Variants in SMIM13 observed in about 807,000 individuals in gnomAD.
SMIM13 encodes small integral membrane protein 13, also known as UPF0766 protein C6orf228.
SMIM13 carries 3 observed loss-of-function variants against 5.9 expected under a neutral mutation model. The observed-to-expected ratio is 0.51, with a 90% CI of 0.23 to 1.31. The LOEUF (loss-of-function observed/expected upper bound fraction) is 1.31. Among genes scored for constraint, SMIM13 ranks in the 40% most tolerant of loss-of-function variants. SMIM13 has a pLI of 0.18. For missense variants in SMIM13, 85 were observed against 109.9 expected (o/e 0.77, Z 1.01); for synonymous variants, 55 against 46.0 (o/e 1.19, Z -0.79).
At chr6:11,096,368 A>G (rs544660461) in intron 1 of SMIM13, among the ~76,000 whole-genome samples, 22 of 152,336 alleles carry the variant, frequency 1.4e-4, no homozygotes, top group African/African-American at 5.0e-4. Context: ...TCAGATGGTA[A>G]TACTTGCCTC....
intron 1 of SMIM13, chr6:11,104,492 T>C: frequency 1.3e-6 from 2 of 1,555,012 alleles, no homozygotes; most frequent in Non-Finnish European, 8.7e-7. Context: ...CAAAAAATTC[T>C]GAGACTGCTG....
chr6:11,109,411 G>A (rs1315405849), intron 1 of SMIM13, among the ~76,000 whole-genome samples: 3 of 152,138 alleles, frequency 2.0e-5, no homozygotes, highest in South Asian at 2.1e-4. Flanking sequence ...CCCTGGGTAG[G>A]GAGGAGAAGG....
chr6:11,132,278 G>A (rs1033928553), intron 1 of SMIM13, among the ~76,000 whole-genome samples: 2 of 152,136 alleles, frequency 1.3e-5, no homozygotes, highest in Non-Finnish European at 2.9e-5. Context: ...AAAAAGTGTT[G>A]GCGAGGATGT....
At chr6:11,111,213 A>G (rs1758161511) in intron 1 of SMIM13, among the ~76,000 whole-genome samples, 1 of 152,184 alleles carries the variant, frequency 6.6e-6, no homozygotes, top group Non-Finnish European at 1.5e-5. Flanking sequence ...TAAGGCAGAG[A>G]AGAAAGTTGC....
chr6:11,127,985 A>T (rs970530061), intron 1 of SMIM13, among the ~76,000 whole-genome samples: 2 of 152,212 alleles, frequency 1.3e-5, no homozygotes, highest in Admixed American at 1.3e-4. Context: ...AATTGGGGAC[A>T]TCAGGAGGCT....
intron 1 of SMIM13, among the ~76,000 whole-genome samples, chr6:11,101,037 T>C (rs889041853): frequency 3.6e-4 from 55 of 151,536 alleles, no homozygotes; most frequent in African/African-American, 1.3e-3. Context: ...ATTTTCTTTT[T>C]TTTTTTTTTT....
intron 1 of SMIM13, among the ~76,000 whole-genome samples, chr6:11,109,720 A>C (rs1758140584): frequency 6.6e-6 from 1 of 152,148 alleles, no homozygotes; most frequent in Admixed American, 6.5e-5. Context: ...TATTCAACCC[A>C]GGCTGTATTA....
chr6:11,125,716 T>G (rs1309784334), intron 1 of SMIM13, among the ~76,000 whole-genome samples: 1 of 152,196 alleles, frequency 6.6e-6, no homozygotes, highest in Admixed American at 6.5e-5. Context: ...AGCTTTTGAG[T>G]ATCTTACTTG....
chr6:11,118,868 G>T (rs904209399), intron 1 of SMIM13, among the ~76,000 whole-genome samples: 6 of 152,184 alleles, frequency 3.9e-5, no homozygotes, highest in African/African-American at 1.4e-4. Context: ...TTGAGAATGG[G>T]TACTGTTATT....
At chr6:11,094,614 C>T (rs1243275349) in intron 1 of SMIM13, among the ~76,000 whole-genome samples, 1 of 152,218 alleles carries the variant, frequency 6.6e-6, no homozygotes, top group African/African-American at 2.4e-5. Flanking sequence ...GGCTCCAGGG[C>T]TTCCTGCCTC....
chr6:11,133,185 G>A (rs1019730733), intron 1 of SMIM13, among the ~76,000 whole-genome samples: 1 of 152,154 alleles, frequency 6.6e-6, no homozygotes, highest in African/African-American at 2.4e-5. Flanking sequence ...AAAGAGAGAA[G>A]ATGCTAATTT....
At chr6:11,096,825 G>A (rs929932206) in intron 1 of SMIM13, among the ~76,000 whole-genome samples, 1 of 152,044 alleles carries the variant, frequency 6.6e-6, no homozygotes, top group African/African-American at 2.4e-5. Flanking sequence ...TCAGCCTCCT[G>A]AGTAGCTGGG....
In SMIM13 at chr6:11,121,404, A is replaced by G. The variant is rs191248347; in HGVS notation, c.77-12999A>G. 1.4e-3 allele frequency among the ~76,000 whole-genome samples: 206 copies of G among 152,296 alleles called. 1 individual carries two copies. The highest frequency in any genetic ancestry group is 3.4e-3 in the Middle Eastern group (1 of 294). The stretch of plus-strand genomic sequence containing the variant: ...GTCCGCTGTAGGCATGCAGGGTGCA[A>G]TGGGTAAGTCTTTTTCAGAAGAAGG... On this transcript the variant is annotated intron_variant, in intron 1 of 1. Transcript: ENST00000416247.
At chr6:11,114,552 T>A (rs1486629423) in intron 1 of SMIM13, among the ~76,000 whole-genome samples, 3 of 150,354 alleles carry the variant, frequency 2.0e-5, no homozygotes, top group Non-Finnish European at 4.4e-5. Flanking sequence ...TTTTTTTTTT[T>A]AATGATTTTT....
Position 11,136,640 on chromosome 6 carries a change from G to A in SMIM13, c.*2038G>A, listed in dbSNP as rs1188490615. On this transcript the variant is annotated 3_prime_UTR_variant, in exon 2 of 2. Coordinates refer to ENST00000416247, the MANE Select transcript of SMIM13 (RefSeq NM_001135575.2). ...TCACAGAACATAACTTTAGTTTTAT[G>A]TGTTTGCTAGGGGAAGATTTCCTAG... The A allele has an allele frequency of 6.6e-6, 1 of 152,026 alleles. No individual in the cohort carries two copies. The highest frequency in any genetic ancestry group is 1.5e-5 in the Non-Finnish European group (1 of 67,994). The allele number at this position is 152,026 out of a possible 1,614,324, so 9.4% of individuals were successfully genotyped here. A position where few individuals can be genotyped will look rare whatever the true frequency, so the allele number is the denominator to read the frequency against.
intron 1 of SMIM13, among the ~76,000 whole-genome samples, chr6:11,114,346 G>T (rs973433326): frequency 1.3e-5 from 2 of 152,122 alleles, no homozygotes; most frequent in African/African-American, 4.8e-5. Flanking sequence ...GCCTTATAAT[G>T]TTGCAAGAAA....
rs1030988169 is a variant in SMIM13 at position 11,105,936 on chromosome 6, G to A, written c.76+11547G>A. On this transcript the variant is annotated intron_variant, in intron 1 of 1. Coordinates refer to ENST00000416247, the MANE Select transcript of SMIM13 (RefSeq NM_001135575.2). ...GGCTTAATTGCAAGGGAGCCTTAGG[G>A]GCAGCAAATCAGAAGGAGGGCTAAA... Among the ~76,000 whole-genome samples, 7 of 152,144 alleles carry A rather than the reference G, an allele frequency of 4.6e-5. No individual in the cohort carries two copies. The East Asian group carries it at 1.2e-3, about 25-fold the overall frequency.
At chr6:11,109,186 T>G (rs1393702058) in intron 1 of SMIM13, among the ~76,000 whole-genome samples, 1 of 152,264 alleles carries the variant, frequency 6.6e-6, no homozygotes, top group Admixed American at 6.5e-5. Context: ...TGCCCTAGTA[T>G]GACTGAGAGG....
At chr6:11,104,680 C>T in intron 1 of SMIM13, 3 of 1,614,222 alleles carry the variant, frequency 1.9e-6, no homozygotes, top group African/African-American at 1.3e-5. Flanking sequence ...TGGTTATAAT[C>T]AGCAGGCCGG....
Sources: gnomAD v4.1 joint callset for allele counts (sites outside exome capture counted in the v4.1 genomes callset) on GRCh38, gnomAD v4.1.1 for gene constraint, MANE v1.5 for transcripts, NCBI Gene and HGNC (gene_info 2026-07-23, HGNC 2026-07-21) for gene names.